The following ZPBP variants were observed in gnomAD, a reference collection of about 807,000 sequenced individuals.
ZPBP encodes the protein zona pellucida binding protein.
Under a neutral mutation model 44.8 loss-of-function variants are expected in ZPBP, and 26 were observed. The observed-to-expected ratio is 0.58, with a 90% confidence interval of 0.43 to 0.81. The LOEUF (loss-of-function observed/expected upper bound fraction) is 0.81, where lower values mean the gene tolerates loss of function less well. ZPBP is among the 30% of genes least tolerant of loss of function. ZPBP has a pLI of 0.00. For missense variants in ZPBP, 409 were observed against 434.0 expected (o/e 0.94, Z 0.51); for synonymous variants, 174 against 153.2 (o/e 1.14, Z -1.00).
intron 1 of ZPBP, chr7:50,092,775 T>G (rs1443804249): frequency 3.5e-6 from 1 of 285,444 alleles, no homozygotes; most frequent in East Asian, 8.3e-5. Context: ...ACCTGGCAGA[T>G]GACCCATGGA....
chr7:50,035,974 C>A (rs975026508), intron 4 of ZPBP, among the ~76,000 whole-genome samples: 3 of 151,892 alleles, frequency 2.0e-5, no homozygotes, highest in African/African-American at 7.3e-5. Flanking sequence ...GAAAAATCAC[C>A]AAAGTTAAAA....
intron 1 of ZPBP, among the ~76,000 whole-genome samples, chr7:50,090,163 A>T (rs763084271): frequency 2.6e-5 from 4 of 152,100 alleles, no homozygotes; most frequent in Non-Finnish European, 5.9e-5. Flanking sequence ...TAAATTCTTT[A>T]GTAAGGATTT....
chr7:50,018,226 C>T lies in ZPBP; in HGVS notation c.783+14G>A. 2 of 1,608,262 alleles carry T rather than the reference C, an allele frequency of 1.2e-6. No homozygotes were observed. Reference sequence around the variant, plus strand: ...TAACTTTTTTTTTCCTTTTACCAGCCTCACATAACATACCTTAAAAAGTCT... The same window carrying T: ...TAACTTTTTTTTTCCTTTTACCAGCTTCACATAACATACCTTAAAAAGTCT... On this transcript the variant is annotated intron_variant, in intron 6 of 7. Coordinates refer to ENST00000046087, the MANE Select transcript of ZPBP (RefSeq NM_007009.3).
chr7:49,965,934 T>C (rs10233698), intron 7 of ZPBP, among the ~76,000 whole-genome samples: 118,139 of 151,920 alleles, frequency 0.78, 46,106 homozygotes, highest in East Asian at 0.89. Flanking sequence ...AACTGAGACA[T>C]ACCATGATAA....
chr7:49,842,667 G>A, the ZPBP span, among the ~76,000 whole-genome samples: 1 of 152,168 alleles, frequency 6.6e-6, no homozygotes, highest in African/African-American at 2.4e-5. Context: ...TAAAGTTATT[G>A]GGAATAAATA....
At chr7:49,906,492 C>T (rs1238510027) in intron 1 of ZPBP, among the ~76,000 whole-genome samples, 3 of 152,058 alleles carry the variant, frequency 2.0e-5, no homozygotes, top group Non-Finnish European at 4.4e-5. Flanking sequence ...CCCGCCACCA[C>T]ACCCAGCTAA....
chr7:50,083,705 G>T (rs1193482046), intron 2 of ZPBP, among the ~76,000 whole-genome samples: 1 of 151,666 alleles, frequency 6.6e-6, no homozygotes, highest in Non-Finnish European at 1.5e-5. Flanking sequence ...ATATATATGT[G>T]GTAGACAAGG....
chr7:49,935,586 T>C (rs577603184), downstream of ZPBP, among the ~76,000 whole-genome samples: 71 of 152,008 alleles, frequency 4.7e-4, no homozygotes, highest in East Asian at 4.1e-3. Flanking sequence ...TTTAGTAGAG[T>C]TGGGGTTTCA....
chr7:49,972,787 A>C (rs1344059360), intron 7 of ZPBP, among the ~76,000 whole-genome samples: 1 of 152,110 alleles, frequency 6.6e-6, no homozygotes, highest in Non-Finnish European at 1.5e-5. Flanking sequence ...TAGAAAAGAA[A>C]AAAGTTGAAG....
intron 6 of ZPBP, among the ~76,000 whole-genome samples, chr7:49,992,020 G>A (rs11971651): frequency 0.51 from 76,850 of 151,882 alleles, 20,283 homozygotes; most frequent in East Asian, 0.69. Context: ...CAAACCTAAC[G>A]ATAGCTATGT....
intron 3 of ZPBP, among the ~76,000 whole-genome samples, chr7:50,072,534 G>A (rs2128843761): frequency 6.6e-6 from 1 of 152,352 alleles, no homozygotes; most frequent in South Asian, 2.1e-4. Context: ...AGTGGTTACA[G>A]CAGGCCTGGC....
chr7:50,052,310 T>A (rs1409792805), intron 4 of ZPBP, among the ~76,000 whole-genome samples: 5 of 152,142 alleles, frequency 3.3e-5, no homozygotes, highest in African/African-American at 9.7e-5. Context: ...AAATTTTACC[T>A]AAGAGGATGT....
At chr7:49,959,420 T>C (rs775813852) in intron 7 of ZPBP, among the ~76,000 whole-genome samples, 8 of 152,084 alleles carry the variant, frequency 5.3e-5, no homozygotes, top group Non-Finnish European at 8.8e-5. Flanking sequence ...AAATCCATAA[T>C]ATTCTTACAT....
chr7:49,955,519 T>C (rs1424591560), intron 7 of ZPBP, among the ~76,000 whole-genome samples: 2 of 151,934 alleles, frequency 1.3e-5, no homozygotes, highest in African/African-American at 4.8e-5. Flanking sequence ...ATCACGCCAC[T>C]GCACTCCAGC....
At chr7:49,897,866 G>A (rs1041844532) in intron 2 of ZPBP, among the ~76,000 whole-genome samples, 1 of 152,188 alleles carries the variant, frequency 6.6e-6, no homozygotes, top group African/African-American at 2.4e-5. Context: ...ACTGCCAGGA[G>A]CTCAACAAGG....
At chr7:49,892,538 C>G (rs1039584799) in intron 2 of ZPBP, among the ~76,000 whole-genome samples, 3 of 152,166 alleles carry the variant, frequency 2.0e-5, no homozygotes, top group Non-Finnish European at 4.4e-5. Context: ...TAGAAATCAG[C>G]AAAGGCACAT....
chr7:50,027,840 C>T (rs926517228), intron 5 of ZPBP, among the ~76,000 whole-genome samples: 9 of 151,870 alleles, frequency 5.9e-5, no homozygotes, highest in African/African-American at 2.2e-4. Context: ...TAGAAACACA[C>T]AAACTACCAA....
At position 49,917,180 on chromosome 7, in the gene ZPBP, C is replaced by T. The variant is rs373223112; in HGVS notation, n.412-15965G>A. 5.9e-5 allele frequency: 9 copies of T among 152,156 alleles called. No individual in the cohort carries two copies. In the East Asian group the frequency reaches 1.7e-3, roughly 29 times the overall value. 9.4% of individuals were successfully genotyped at this position (152,156 alleles called of 1,614,324 possible). ...ACAATAATGAGCTGAGTCATTTGTACAGAAATATAGTAGCTTCCATAATCT... is the reference window on the plus strand; with the variant it reads ...ACAATAATGAGCTGAGTCATTTGTATAGAAATATAGTAGCTTCCATAATCT... On this transcript the variant is annotated intron_variant and non_coding_transcript_variant, in intron 1 of 2. Transcript: ENST00000465922.
intron 6 of ZPBP, among the ~76,000 whole-genome samples, chr7:49,998,973 C>T (rs146107485): frequency 2.6e-5 from 4 of 151,980 alleles, no homozygotes; most frequent in African/African-American, 9.6e-5. Flanking sequence ...GTTCAAAATC[C>T]AAAATTTTTT....
Sources: gnomAD v4.1 joint callset for allele counts (sites outside exome capture counted in the v4.1 genomes callset) on GRCh38, gnomAD v4.1.1 for gene constraint, MANE v1.5 for transcripts, NCBI Gene and HGNC (gene_info 2026-07-23, HGNC 2026-07-21) for gene names.